RANBP2: variants seen among roughly 807,000 people sequenced by gnomAD.
The protein encoded by RANBP2 is E3 SUMO-protein ligase RanBP2.
Under a neutral mutation model 303.6 loss-of-function variants are expected in RANBP2, and 57 were observed. The observed-to-expected ratio is 0.19, with a 90% confidence interval of 0.15 to 0.23. The LOEUF (loss-of-function observed/expected upper bound fraction) is 0.23, where lower values mean the gene tolerates loss of function less well. Ranked by LOEUF, RANBP2 falls within the 10% of genes least tolerant of loss-of-function variation. The pLI is 1.00. For missense variants in RANBP2, 3,138 were observed against 3,780.8 expected, an observed-to-expected ratio of 0.83 and a Z score of 4.46; for synonymous variants, 1,167 against 1,301.5, an observed-to-expected ratio of 0.90 and a Z score of 2.23.
chr2:108,775,227 C>T (rs946121222), intron 23 of RANBP2, among the ~76,000 whole-genome samples: 21 of 152,128 alleles, frequency 1.4e-4, no homozygotes, highest in African/African-American at 5.1e-4. Flanking sequence ...TGGTGATTTT[C>T]CTTCTGTATA....
chr2:108,755,038 C>T lies in RANBP2; in HGVS notation c.2336C>T (p.Thr779Ile), dbSNP rs780643942. 1.2e-6 allele frequency: 2 copies of T among 1,611,924 alleles called. No individual in the cohort carries two copies. The highest frequency in any genetic ancestry group is 8.5e-7 in the Non-Finnish European group (1 of 1,179,830). ...RNADSEIKHSTPSPTRYSLSP... is the reference protein window; with the variant it reads ...RNADSEIKHSIPSPTRYSLSP... Reference sequence around the variant, plus strand: ...GCAGATTCAGAAATAAAACATTCTACACCGTCTCCTACCAGATATTCACTA... The same window carrying T: ...GCAGATTCAGAAATAAAACATTCTATACCGTCTCCTACCAGATATTCACTA... Residue 779 changes from threonine (T) to isoleucine (I), a missense_variant, in exon 16 of 29, where the codon ACA becomes ATA. Physicochemically the swap from Thr to Ile is moderately conservative, Grantham distance 89. Around this residue, in one of 20 missense-constraint regions of RANBP2, gnomAD observed 194 missense variants for 197.4 expected, o/e 0.98. Transcript: ENST00000283195.
chr2:109,094,099 T>C, the RANBP2 span, among the ~76,000 whole-genome samples: 3 of 152,166 alleles, frequency 2.0e-5, no homozygotes, highest in African/African-American at 7.2e-5. Context: ...ATGGCAGTTA[T>C]GGGGGGATAC....
the RANBP2 span, among the ~76,000 whole-genome samples, chr2:109,334,714 G>A: frequency 6.6e-6 from 1 of 152,228 alleles, no homozygotes; most frequent in Non-Finnish European, 1.5e-5. Flanking sequence ...GCTGCAATAT[G>A]CCTCTTCAAC....
At chr2:108,825,714 G>T in the RANBP2 span, among the ~76,000 whole-genome samples, 1 of 152,004 alleles carries the variant, frequency 6.6e-6, no homozygotes, top group African/African-American at 2.4e-5. Flanking sequence ...TAGACTTTTG[G>T]GTTGTTTGCA....
chr2:108,796,073 G>A, the RANBP2 span, among the ~76,000 whole-genome samples: 4 of 151,938 alleles, frequency 2.6e-5, no homozygotes, highest in African/African-American at 7.3e-5. Context: ...TTTTTGAGAC[G>A]GAGTCTCACT....
At chr2:108,817,395 T>C in the RANBP2 span, among the ~76,000 whole-genome samples, 1 of 151,920 alleles carries the variant, frequency 6.6e-6, no homozygotes, top group African/African-American at 2.4e-5. Flanking sequence ...CGGGTTCAAG[T>C]GATTCTCCTG....
chr2:109,333,505 A>G, the RANBP2 span, among the ~76,000 whole-genome samples: 2 of 152,216 alleles, frequency 1.3e-5, no homozygotes, highest in African/African-American at 2.4e-5. Context: ...CGTATAGCAT[A>G]CCCCACCTGT....
chr2:108,770,931 A>C (rs1387076124), intron 20 of RANBP2, among the ~76,000 whole-genome samples: 2 of 152,136 alleles, frequency 1.3e-5, no homozygotes, highest in African/African-American at 4.8e-5. Flanking sequence ...TAGCTCTCAG[A>C]ATGTTTCCCT....
chr2:108,819,446 T>C, the RANBP2 span, among the ~76,000 whole-genome samples: 2 of 152,106 alleles, frequency 1.3e-5, no homozygotes, highest in African/African-American at 4.8e-5. Flanking sequence ...AAGGGAATGG[T>C]AGCATAGTTT....
At chr2:109,253,002 C>T in the RANBP2 span, among the ~76,000 whole-genome samples, 2 of 152,126 alleles carry the variant, frequency 1.3e-5, no homozygotes, top group South Asian at 4.2e-4. Flanking sequence ...AAATGTAGAC[C>T]CACATGTGTA....
the RANBP2 span, among the ~76,000 whole-genome samples, chr2:109,694,837 G>A: frequency 7.9e-6 from 1 of 125,948 alleles, no homozygotes; most frequent in East Asian, 2.6e-4. Flanking sequence ...GTGTGTGTGT[G>A]TGTATCTCCA....
chr2:109,382,074 A>G, the RANBP2 span, among the ~76,000 whole-genome samples: 1 of 152,132 alleles, frequency 6.6e-6, no homozygotes, highest in Non-Finnish European at 1.5e-5. Context: ...CTTATGAGAA[A>G]GGGGTGTTTG....
At chr2:109,433,899 G>A in the RANBP2 span, among the ~76,000 whole-genome samples, 2 of 152,224 alleles carry the variant, frequency 1.3e-5, no homozygotes, top group East Asian at 3.9e-4. Context: ...CTCAAACCCA[G>A]CCACCTGGTC....
the RANBP2 span, among the ~76,000 whole-genome samples, chr2:109,508,120 T>G: frequency 6.6e-6 from 1 of 152,254 alleles, no homozygotes; most frequent in Non-Finnish European, 1.5e-5. Context: ...ACCAGCAGGT[T>G]CAGGGTGCCA....
chr2:108,908,601 G>T, the RANBP2 span, among the ~76,000 whole-genome samples: 3 of 152,064 alleles, frequency 2.0e-5, no homozygotes, highest in Admixed American at 2.0e-4. Flanking sequence ...CTGGGTGGGC[G>T]GTCGGACCCA....
At chr2:108,948,861 T>A in the RANBP2 span, among the ~76,000 whole-genome samples, 1 of 152,152 alleles carries the variant, frequency 6.6e-6, no homozygotes, top group Admixed American at 6.5e-5. Flanking sequence ...CTCATGCGTA[T>A]AATCCCAGCA....
chr2:109,317,157 CATG>C, the RANBP2 span, among the ~76,000 whole-genome samples: 1 of 146,826 alleles, frequency 6.8e-6, no homozygotes, highest in Admixed American at 6.8e-5. Flanking sequence ...ATGTAAGTTT[CATG>C]AAATGTTTTG....
the RANBP2 span, chr2:109,398,693 G>C: frequency 6.2e-7 from 1 of 1,611,352 alleles, no homozygotes; most frequent in South Asian, 1.1e-5. Flanking sequence ...GCTGTGGCCA[G>C]CGTGGCCCCA....
chr2:109,549,621 CT>C, the RANBP2 span, among the ~76,000 whole-genome samples: 3 of 152,180 alleles, frequency 2.0e-5, no homozygotes, highest in Non-Finnish European at 2.9e-5. Context: ...CACCAATTCT[CT>C]TAAGAATATT....
Sources: gnomAD v4.1 joint callset for allele counts (sites outside exome capture counted in the v4.1 genomes callset) on GRCh38, gnomAD v4.1.1 for gene constraint, gnomAD v4.1.1 regional missense constraint, MANE v1.5 for transcripts, NCBI Gene and HGNC (gene_info 2026-07-23, HGNC 2026-07-21) for gene names.